Variants in ZSCAN22 observed in about 807,000 individuals in gnomAD.
ZSCAN22 encodes zinc finger and SCAN domain-containing protein 22.
A neutral mutation model predicts 12.4 loss-of-function variants in ZSCAN22; 7 were observed. That is an observed-to-expected ratio of 0.57 (90% CI 0.32 to 1.06). The LOEUF (loss-of-function observed/expected upper bound fraction) is 1.06. Ranked by LOEUF, ZSCAN22 falls within the 50% of genes least tolerant of loss-of-function variation. The pLI is 0.04. For missense variants in ZSCAN22, 576 were observed against 631.7 expected (o/e 0.91, Z 0.94); for synonymous variants, 243 against 255.9 (o/e 0.95, Z 0.48).
Position 58,340,465 on chromosome 19 carries a change from TTTTTC to T in ZSCAN22, c.*1154_*1158del, listed in dbSNP as rs761238109. ...GCCTGGAACCCTCCTCTTCTTTTTCTTTTTCTTTTCTTTTCTTTTTTTTTTTTTGA... is the reference window on the plus strand; with the variant it reads ...GCCTGGAACCCTCCTCTTCTTTTTCTTTTTCTTTTCTTTTTTTTTTTTTGA... On this transcript the variant is annotated 3_prime_UTR_variant, in exon 3 of 3. Coordinates refer to ENST00000329665, the MANE Select transcript of ZSCAN22 (RefSeq NM_181846.3). 600 of 154,982 alleles carry T rather than the reference TTTTTC, an allele frequency of 3.9e-3. 4 individuals carry two copies. The highest frequency in any genetic ancestry group is 4.8e-3 in the Non-Finnish European group (349 of 72,824). 9.6% of individuals were successfully genotyped at this position (154,982 alleles called of 1,614,324 possible).
Position 58,340,337 on chromosome 19 carries a change from T to A in ZSCAN22, c.*1011T>A, listed in dbSNP as rs2051856142. On this transcript the variant is annotated 3_prime_UTR_variant, in exon 3 of 3. Coordinates refer to ENST00000329665, the MANE Select transcript of ZSCAN22 (RefSeq NM_181846.3). Reference sequence around the variant, plus strand: ...TTCTGTGCGTGCAGTGAAAATGGCCTCATCTCATACCATGGCTCCACCTTC... The same window carrying A: ...TTCTGTGCGTGCAGTGAAAATGGCCACATCTCATACCATGGCTCCACCTTC... The A allele has an allele frequency of 6.6e-6, 1 of 152,228 alleles. No individual in the cohort carries two copies. The highest frequency in any genetic ancestry group is 1.5e-5 in the Non-Finnish European group (1 of 68,074). The allele number at this position is 152,228 out of a possible 1,614,324, so 9.4% of individuals were successfully genotyped here.
chr19:58,334,355 T>C (rs752010427), intron 1 of ZSCAN22, among the ~76,000 whole-genome samples: 3 of 152,176 alleles, frequency 2.0e-5, no homozygotes, highest in Non-Finnish European at 2.9e-5. Context: ...CTTGTTCTGT[T>C]GCGCAGGCTG....
In ZSCAN22 at chr19:58,338,018, G is replaced by A. The variant is rs904659514; in HGVS notation, c.404-236G>A. Among the ~76,000 whole-genome samples the A allele has an allele frequency of 6.6e-6, 1 of 152,260 alleles. No individual in the cohort carries two copies. Among genetic ancestry groups the A allele is most frequent in the Non-Finnish European group, 1.5e-5 (1 of 68,044 alleles). On this transcript the variant is annotated intron_variant, in intron 2 of 2. Coordinates refer to ENST00000329665, the MANE Select transcript of ZSCAN22 (RefSeq NM_181846.3). This position sits in a 1 kb window ranked among gnomAD's most constrained non-coding sequence, Gnocchi z 5.4. The stretch of plus-strand genomic sequence containing the variant: ...AAAATTGGGAGCCTTGAAAGATGGC[G>A]AGTTTGGTGGGAGGAGGAGAAATCA...
chr19:58,335,015 A>C lies in ZSCAN22; in HGVS notation c.213A>C (p.Arg71=), dbSNP rs2051777664. 2 of 1,614,120 alleles carry C rather than the reference A, an allele frequency of 1.2e-6. No individual in the cohort carries two copies. The highest frequency in any genetic ancestry group is 1.7e-6 in the Non-Finnish European group (2 of 1,180,038). ...CACACGAGGCCCTGGCCCACCTCCG[A>C]GCGCTGTGCTGTCAGTGGCTGCAGC... is the stretch of plus-strand genomic sequence containing the variant. The part of the protein sequence containing the change: ...SGPHEALAHL[R]ALCCQWLQPE... The change falls in exon 2 of 3, where the codon CGA becomes CGC. Residue 71 remains arginine (R), a synonymous_variant. Transcript: ENST00000329665. The surrounding 1 kb of genome is among the most constrained non-coding windows in gnomAD (Gnocchi z 4.1).
At chr19:58,327,208 T>A (rs1394232552) in intron 1 of ZSCAN22, 94 bp downstream of exon 1, 2 of 152,504 alleles carry the variant, frequency 1.3e-5, no homozygotes, top group Admixed American at 6.5e-5. Context: ...CAGAGCGAGA[T>A]GCGGGGTACC....
intron 1 of ZSCAN22, among the ~76,000 whole-genome samples, chr19:58,331,869 TTTTTA>T (rs2051730905): frequency 6.8e-6 from 1 of 147,568 alleles, no homozygotes; most frequent in Non-Finnish European, 1.5e-5. Flanking sequence ...AAAAGCTGTA[TTTTTA>T]TTTTATTTTA....
At position 58,335,205 on chromosome 19, in the gene ZSCAN22, G is replaced by C. The variant is rs372983639; in HGVS notation, c.403G>C (p.Gly135Arg). 24 of 1,583,774 alleles carry C rather than the reference G, an allele frequency of 1.5e-5. No homozygotes were observed. The East Asian group carries it at 2.0e-4, about 13-fold the overall frequency. ...TCTGACTCAGGTGCTGGACAAGAGA[G>C]GTAAAGGGGCGCCGTGGGCAGCTTC... Reference protein sequence around the residue: ...EDLTQVLDKRGWDPGAEPTEA... With the variant: ...EDLTQVLDKRRWDPGAEPTEA... The change falls in exon 2 of 3, where the codon GGA (glycine) becomes CGA (arginine). Residue 135 changes from glycine (G) to arginine (R), a missense_variant and splice_region_variant. Physicochemically the swap from Gly to Arg is moderately radical, Grantham distance 125 (BLOSUM62 -2). Transcript: ENST00000329665. The surrounding 1 kb of genome is among the most constrained non-coding windows in gnomAD (Gnocchi z 4.1).
chr19:58,333,972 T>A (rs963980427), intron 1 of ZSCAN22, among the ~76,000 whole-genome samples: 3 of 152,272 alleles, frequency 2.0e-5, no homozygotes, highest in African/African-American at 7.2e-5. Flanking sequence ...TAGCTAAAGC[T>A]GTGTTTAGAG....
rs11883133 is a variant in ZSCAN22 at position 58,336,132 on chromosome 19, G to A, written c.403+927G>A. 4.6e-3 allele frequency among the ~76,000 whole-genome samples: 694 copies of A among 152,306 alleles called. 10 individuals carry two copies. Among genetic ancestry groups the A allele is most frequent in the African/African-American group, 0.015 (638 of 41,566 alleles). On this transcript the variant is annotated intron_variant, in intron 2 of 2. Coordinates refer to ENST00000329665, the MANE Select transcript of ZSCAN22 (RefSeq NM_181846.3). ...CCGCTGCTGCTCTTCCTGGCCATGT[G>A]ACTCCCTTGTGCCTCAGTTTACTCA...
intron 1 of ZSCAN22, among the ~76,000 whole-genome samples, chr19:58,333,144 A>G (rs1203612979): frequency 6.6e-6 from 1 of 152,146 alleles, no homozygotes; most frequent in African/African-American, 2.4e-5. Context: ...TGTATTATTC[A>G]TCTTTTTACT....
chr19:58,328,380 T>TGGTC (rs1229801415), intron 1 of ZSCAN22, among the ~76,000 whole-genome samples: 1 of 152,158 alleles, frequency 6.6e-6, no homozygotes, highest in African/African-American at 2.4e-5. Flanking sequence ...GAGTGACTAG[T>TGGTC]GGTCATTCAG....
In ZSCAN22 at chr19:58,334,736, T is replaced by G. The variant is rs751931935; in HGVS notation, c.-51-16T>G. 1.6e-5 allele frequency: 24 copies of G among 1,478,786 alleles called. No homozygotes were observed. In the Admixed American group the frequency reaches 2.5e-4, roughly 15 times the overall value. 91.6% of individuals were successfully genotyped at this position (1,478,786 alleles called of 1,614,324 possible). ...CCCAGGTTCCATGTGATGCTGAAGCTCTGACATTCCTGCAGGCCCAGTTCC... is the reference window on the plus strand; with the variant it reads ...CCCAGGTTCCATGTGATGCTGAAGCGCTGACATTCCTGCAGGCCCAGTTCC... On this transcript the variant is annotated splice_polypyrimidine_tract_variant and intron_variant, in intron 1 of 2. Transcript: ENST00000329665.
intron 1 of ZSCAN22, among the ~76,000 whole-genome samples, chr19:58,331,550 T>TATTATTATTATTATC (rs1463689819): frequency 3.0e-5 from 4 of 135,412 alleles, no homozygotes; most frequent in African/African-American, 1.1e-4. Context: ...TTATTATTAT[T>TATTATTATTATTATC]ATTATTATTA....
rs370084876 is a variant in ZSCAN22 at position 58,341,767 on chromosome 19, C to G, written c.*2441C>G. 6.6e-6 allele frequency: 1 copy of G among 152,220 alleles called. No individual in the cohort carries two copies. The highest frequency in any genetic ancestry group is 2.4e-5 in the African/African-American group (1 of 41,434). The allele number at this position is 152,220 out of a possible 1,614,324, so 9.4% of individuals were successfully genotyped here. On this transcript the variant is annotated 3_prime_UTR_variant, in exon 3 of 3. Transcript: ENST00000329665. ...TGAAATTGCACAGGCTTCCAGCATGCTGGAGGGAACAGAAAAGGCATGGGC... is the reference window on the plus strand; with the variant it reads ...TGAAATTGCACAGGCTTCCAGCATGGTGGAGGGAACAGAAAAGGCATGGGC...
At chr19:58,333,255 C>T (rs1200178936) in intron 1 of ZSCAN22, among the ~76,000 whole-genome samples, 1 of 152,172 alleles carries the variant, frequency 6.6e-6, no homozygotes, top group African/African-American at 2.4e-5. Context: ...TGTGGTCCTT[C>T]AAATCACAAA....
rs2051840716 is a variant in ZSCAN22, at chr19:58,339,199, C to A, written c.1349C>A (p.Ser450Tyr). The change falls in exon 3 of 3, where the codon TCC becomes TAC. Residue 450 changes from serine (S) to tyrosine (Y), a missense_variant. By Grantham distance (144) the Ser-to-Tyr change is moderately radical. Transcript: ENST00000329665. The surrounding 1 kb of genome is among the most constrained non-coding windows in gnomAD (Gnocchi z 5.6). ...CCGAAGGCCTTTGCACAGAGCTCCT[C>A]CCTCATTGAGCACCAGAGGATCCAC... ...VCPKAFAQSS[S>Y]LIEHQRIHTG... 6.2e-7 allele frequency: 1 copy of A among 1,613,534 alleles called. No homozygotes were observed. Among genetic ancestry groups the A allele is most frequent in the South Asian group, 1.1e-5 (1 of 91,030 alleles).
In ZSCAN22 at chr19:58,338,984, G is replaced by C; in HGVS notation, c.1134G>C (p.Arg378=). 1 of 1,612,506 alleles carries C rather than the reference G, an allele frequency of 6.2e-7. No homozygotes were observed. The highest frequency in any genetic ancestry group is 8.5e-7 in the Non-Finnish European group (1 of 1,179,050). ...ACCAGCGGGTGCACACGGGGGAGCGGCCCTACGAGTGTGACGCGTGTGGGA... is the reference window on the plus strand; with the variant it reads ...ACCAGCGGGTGCACACGGGGGAGCGCCCCTACGAGTGTGACGCGTGTGGGA... The part of the protein sequence containing the change: ...TQHQRVHTGE[R]PYECDACGKA... Residue 378 remains arginine, a synonymous_variant, in exon 3 of 3, where the codon CGG becomes CGC. Transcript: ENST00000329665. This position sits in a 1 kb window ranked among gnomAD's most constrained non-coding sequence, Gnocchi z 5.4.
chr19:58,331,567 T>C (rs1179655764), intron 1 of ZSCAN22, among the ~76,000 whole-genome samples: 2 of 139,694 alleles, frequency 1.4e-5, no homozygotes, highest in Non-Finnish European at 3.1e-5. Context: ...ATTATTATTT[T>C]GAGATGGAGT....
rs1159655705 is a variant in ZSCAN22 at position 58,334,979 on chromosome 19, G to A, written c.177G>A (p.Glu59=). Residue 59 remains glutamate (E), a synonymous_variant, in exon 2 of 3, where the codon GAG becomes GAA. Coordinates refer to ENST00000329665, the MANE Select transcript of ZSCAN22 (RefSeq NM_181846.3). ...GCTTCCGGCACTTCCGCTATGAGGA[G>A]GCATCTGGTCCACACGAGGCCCTGG... ...RLRFRHFRYE[E]ASGPHEALAH... is the part of the protein sequence containing the mutation. The A allele has an allele frequency of 6.2e-7, 1 of 1,614,138 alleles. No individual in the cohort carries two copies. The highest frequency in any genetic ancestry group is 8.5e-7 in the Non-Finnish European group (1 of 1,180,034).
Sources: gnomAD v4.1 joint callset for allele counts (sites outside exome capture counted in the v4.1 genomes callset) on GRCh38, gnomAD v4.1.1 for gene constraint, Gnocchi (gnomAD v3.1) non-coding constraint, MANE v1.5 for transcripts, NCBI Gene and HGNC (gene_info 2026-07-23, HGNC 2026-07-21) for gene names.